Variants in PRIM2 observed in about 807,000 individuals in gnomAD.
PRIM2 encodes DNA primase subunit 2.
A neutral mutation model predicts 67.3 loss-of-function variants in PRIM2; 39 were observed. The observed-to-expected ratio is 0.58, with a 90% CI of 0.45 to 0.76. The LOEUF is 0.76. Among genes scored for constraint, PRIM2 ranks in the 30% least tolerant of loss-of-function variants. The pLI is 0.00. For synonymous variants in PRIM2, 143 were observed against 198.7 expected, an observed-to-expected ratio of 0.72 and a Z score of 2.36; for missense variants, 398 against 598.7, an observed-to-expected ratio of 0.66 and a Z score of 3.50.
At chr6:57,241,105 T>C in the PRIM2 span, among the ~76,000 whole-genome samples, 2,865 of 151,468 alleles carry the variant, frequency 0.019, 95 homozygotes, top group African/African-American at 0.066. Flanking sequence ...GCACCTGTAG[T>C]CCCAGCTACT....
chr6:57,640,449 C>G (rs1164397549), intron 13 of PRIM2, among the ~76,000 whole-genome samples: 2 of 152,158 alleles, frequency 1.3e-5, no homozygotes, highest in Admixed American at 1.3e-4. Context: ...GTCAAATTGT[C>G]TCTGTTTGCA....
intron 13 of PRIM2, among the ~76,000 whole-genome samples, chr6:57,640,171 A>G (rs1203773021): frequency 1.3e-5 from 2 of 152,118 alleles, no homozygotes; most frequent in East Asian, 1.9e-4. Context: ...AAAGGCCTTC[A>G]ACAAAATTCA....
intron 10 of PRIM2, among the ~76,000 whole-genome samples, chr6:57,595,870 TTTA>T (rs1776356493): frequency 6.6e-6 from 1 of 152,098 alleles, no homozygotes; most frequent in Admixed American, 6.6e-5. Flanking sequence ...AGGCTGAGCA[TTTA>T]TTAACTCATT....
chr6:57,280,890 A>G, the PRIM2 span, among the ~76,000 whole-genome samples: 42 of 152,250 alleles, frequency 2.8e-4, no homozygotes, highest in Non-Finnish European at 5.0e-4. Flanking sequence ...TTTTAGGTGT[A>G]TATTTCAGTG....
rs1044581303 is a variant in PRIM2, at chr6:57,395,808, A to G, written c.693+13640A>G. ...TTGATGTAGGCATTTAGGGCTATGA[A>G]CTTTCCTCTTAGCACTGCCTTTGCT... On this transcript the variant is annotated intron_variant, in intron 7 of 13. Coordinates refer to ENST00000615550, the MANE Select transcript of PRIM2 (RefSeq NM_000947.5). Among the ~76,000 whole-genome samples, 8 of 152,126 alleles carry G rather than the reference A, an allele frequency of 5.3e-5. No individual in the cohort carries two copies. The South Asian group carries it at 1.7e-3, about 32-fold the overall frequency.
At chr6:57,538,165 C>T (rs1775039550) in intron 10 of PRIM2, among the ~76,000 whole-genome samples, 2 of 151,922 alleles carry the variant, frequency 1.3e-5, no homozygotes, top group Non-Finnish European at 1.5e-5. Flanking sequence ...CAGGTGGACA[C>T]CATTATGCCT....
intron 10 of PRIM2, among the ~76,000 whole-genome samples, chr6:57,588,861 C>T (rs1363096824): frequency 4.6e-5 from 7 of 152,058 alleles, no homozygotes; most frequent in South Asian, 2.1e-4. Context: ...TGAGCAGAGG[C>T]TGTTTGGAAA....
the PRIM2 span, among the ~76,000 whole-genome samples, chr6:57,256,007 A>ACG: frequency 1.5e-5 from 2 of 137,068 alleles, no homozygotes; most frequent in South Asian, 2.1e-4. Flanking sequence ...CAATTTAGAC[A>ACG]CGCACACACA....
At chr6:57,633,699 TAATC>T (rs1777070977) in intron 13 of PRIM2, among the ~76,000 whole-genome samples, 1 of 152,122 alleles carries the variant, frequency 6.6e-6, no homozygotes, top group African/African-American at 2.4e-5. Flanking sequence ...GCACATTAGA[TAATC>T]ACGAGAAGCA....
chr6:57,327,625 C>A (rs544658389), intron 5 of PRIM2, among the ~76,000 whole-genome samples: 1 of 152,352 alleles, frequency 6.6e-6, no homozygotes, highest in South Asian at 2.1e-4. Flanking sequence ...CCCACTGCAT[C>A]TTCCACTTTG....
chr6:57,587,423 G>C (rs1187811687), intron 10 of PRIM2, among the ~76,000 whole-genome samples: 1 of 152,100 alleles, frequency 6.6e-6, no homozygotes, highest in African/African-American at 2.4e-5. Context: ...TCAGCACTTT[G>C]GGAGGCCGAG....
Position 57,422,158 on chromosome 6 carries a change from C to CTTTT in PRIM2, c.693+40001_693+40004dup, listed in dbSNP as rs575958629. On this transcript the variant is annotated intron_variant, in intron 7 of 13. Coordinates refer to ENST00000615550, the MANE Select transcript of PRIM2 (RefSeq NM_000947.5). ...AAATTCAAAAGTATTTCTTTTCTTT[C>CTTTT]TTTTTTTTTTTTTTGAGATGGAGTC... Among the ~76,000 whole-genome samples, 549 of 103,324 alleles carry CTTTT rather than the reference C, an allele frequency of 5.3e-3. 38 individuals are homozygous for CTTTT. Among genetic ancestry groups the CTTTT allele is most frequent in the African/African-American group, 0.018 (521 of 28,944 alleles). The allele number at this position is 103,324 out of a possible 152,430, so 67.8% of individuals were successfully genotyped here.
intron 2 of PRIM2, among the ~76,000 whole-genome samples, chr6:57,319,016 A>G (rs559470984): frequency 6.6e-6 from 1 of 152,378 alleles, no homozygotes; most frequent in African/African-American, 2.4e-5. Flanking sequence ...TGAGCTTCTT[A>G]GAGAAGTTGA....
At chr6:57,225,671 GTCTGAC>G in the PRIM2 span, among the ~76,000 whole-genome samples, 149 of 152,284 alleles carry the variant, frequency 9.8e-4, no homozygotes, top group African/African-American at 3.4e-3. Context: ...CTTTCATTGT[GTCTGAC>G]TCTAATGAAC....
At chr6:57,282,285 C>G in the PRIM2 span, among the ~76,000 whole-genome samples, 1 of 152,172 alleles carries the variant, frequency 6.6e-6, no homozygotes. Flanking sequence ...CTATCCGATG[C>G]TAAACAAATA....
chr6:57,626,811 A>G (rs1776956536), intron 12 of PRIM2, among the ~76,000 whole-genome samples: 1 of 151,874 alleles, frequency 6.6e-6, no homozygotes, highest in Non-Finnish European at 1.5e-5. Flanking sequence ...TTTTTATTAG[A>G]GACAGGGTTT....
chr6:57,461,235 AGTG>A (rs2127397096), intron 7 of PRIM2, among the ~76,000 whole-genome samples: 1 of 152,298 alleles, frequency 6.6e-6, no homozygotes, highest in East Asian at 1.9e-4. Context: ...TTGATGACAT[AGTG>A]GAAAGATGAG....
chr6:57,434,220 C>T (rs1009225459), intron 7 of PRIM2, among the ~76,000 whole-genome samples: 1 of 116,356 alleles, frequency 8.6e-6, no homozygotes, highest in African/African-American at 3.0e-5. Flanking sequence ...CCACCATGCG[C>T]AGACTTCCTG....
At chr6:57,355,557 G>A (rs1376178280) in intron 5 of PRIM2, among the ~76,000 whole-genome samples, 1 of 152,154 alleles carries the variant, frequency 6.6e-6, no homozygotes, top group East Asian at 1.9e-4. Context: ...TTTTCTTAGA[G>A]TGAAGACAGA....
Sources: gnomAD v4.1 joint callset for allele counts (sites outside exome capture counted in the v4.1 genomes callset) on GRCh38, gnomAD v4.1.1 for gene constraint, MANE v1.5 for transcripts, NCBI Gene and HGNC (gene_info 2026-07-23, HGNC 2026-07-21) for gene names.